Variants in GRIP1 observed in about 807,000 individuals in gnomAD.
The protein encoded by GRIP1 is glutamate receptor-interacting protein 1.
Under a neutral mutation model 129.9 loss-of-function variants are expected in GRIP1, and 45 were observed. The observed-to-expected ratio is 0.35, with a 90% CI of 0.27 to 0.44. The LOEUF is 0.44. GRIP1 is among the 20% of genes least tolerant of loss of function. The probability of loss-of-function intolerance (pLI) is 1.00; values close to 1 mark genes in which losing one functional copy is unlikely to be tolerated. For missense variants in GRIP1, 1,196 were observed against 1,396.8 expected (o/e 0.86, Z 2.29); for synonymous variants, 530 against 520.8 (o/e 1.02, Z -0.24).
At chr12:66,950,125 G>A (rs1003522947) in intron 1 of GRIP1, among the ~76,000 whole-genome samples, 3 of 151,912 alleles carry the variant, frequency 2.0e-5, no homozygotes, top group African/African-American at 7.3e-5. Context: ...TCTCTATTCA[G>A]AACTCCATCA....
At chr12:66,474,482 C>A (rs1456252563) in intron 7 of GRIP1, among the ~76,000 whole-genome samples, 2 of 151,970 alleles carry the variant, frequency 1.3e-5, no homozygotes, top group African/African-American at 2.4e-5. Flanking sequence ...AGAGAATGCC[C>A]CAAAGATACC....
At chr12:66,426,157 C>T (rs1200974177) in intron 14 of GRIP1, among the ~76,000 whole-genome samples, 1 of 152,096 alleles carries the variant, frequency 6.6e-6, no homozygotes, top group Non-Finnish European at 1.5e-5. Context: ...TGGGTATTTC[C>T]ATCCACAGGT....
At chr12:66,889,222 G>A (rs2040615494) in intron 1 of GRIP1, among the ~76,000 whole-genome samples, 1 of 152,214 alleles carries the variant, frequency 6.6e-6, no homozygotes, top group African/African-American at 2.4e-5. Flanking sequence ...CACCTTGGGA[G>A]GCCGAGGCAG....
chr12:66,953,763 T>G (rs557164017), intron 1 of GRIP1, among the ~76,000 whole-genome samples: 6 of 152,052 alleles, frequency 3.9e-5, no homozygotes, highest in Non-Finnish European at 8.8e-5. Context: ...AAAAGAAAAG[T>G]AGACAAAACT....
chr12:66,607,879 C>T (rs1179220745), intron 1 of GRIP1, among the ~76,000 whole-genome samples: 1 of 152,180 alleles, frequency 6.6e-6, no homozygotes, highest in Non-Finnish European at 1.5e-5. Context: ...TGGATCATTT[C>T]AGGACCTATC....
intron 13 of GRIP1, among the ~76,000 whole-genome samples, chr12:66,438,874 C>T (rs1328978960): frequency 2.6e-5 from 4 of 152,096 alleles, no homozygotes; most frequent in Non-Finnish European, 5.9e-5. Flanking sequence ...CATTCATAAA[C>T]AAAACCCACA....
At chr12:67,008,369 T>C (rs1363328238) in intron 1 of GRIP1, among the ~76,000 whole-genome samples, 1 of 152,202 alleles carries the variant, frequency 6.6e-6, no homozygotes, top group Non-Finnish European at 1.5e-5. Flanking sequence ...CCATATTGCA[T>C]GTAAAGGTTT....
intron 1 of GRIP1, among the ~76,000 whole-genome samples, chr12:66,925,200 C>A (rs1176131642): frequency 6.6e-6 from 1 of 152,102 alleles, no homozygotes; most frequent in Non-Finnish European, 1.5e-5. Context: ...AAATCACCCT[C>A]CCATATACAA....
intron 1 of GRIP1, among the ~76,000 whole-genome samples, chr12:67,024,719 C>T (rs1025067505): frequency 7.9e-5 from 12 of 152,166 alleles, no homozygotes; most frequent in African/African-American, 2.9e-4. Flanking sequence ...CAAAAGATCA[C>T]TAATACAAAT....
chr12:66,783,062 A>G (rs2038210694), intron 1 of GRIP1, among the ~76,000 whole-genome samples: 1 of 150,942 alleles, frequency 6.6e-6, no homozygotes, highest in Admixed American at 6.6e-5. Flanking sequence ...TTTTTAAGAC[A>G]CTCTGTCACC....
At chr12:66,720,804 T>C (rs1325589227) in intron 1 of GRIP1, among the ~76,000 whole-genome samples, 2 of 152,166 alleles carry the variant, frequency 1.3e-5, no homozygotes, top group Non-Finnish European at 2.9e-5. Flanking sequence ...AATTATCTCC[T>C]CTACTGAACT....
At chr12:66,507,776 TTTC>T (rs1413558645) in intron 7 of GRIP1, among the ~76,000 whole-genome samples, 3 of 151,932 alleles carry the variant, frequency 2.0e-5, no homozygotes, top group Non-Finnish European at 2.9e-5. Flanking sequence ...TCTTTCTTTC[TTTC>T]TTTTTTTTTA....
intron 6 of GRIP1, among the ~76,000 whole-genome samples, chr12:66,516,890 C>T (rs868541322): frequency 6.6e-6 from 1 of 152,242 alleles, no homozygotes; most frequent in Middle Eastern, 3.4e-3. Context: ...AGCCTGAATT[C>T]CTCCCGCAGT....
chr12:66,860,018 G>A (rs1166972302), intron 1 of GRIP1, among the ~76,000 whole-genome samples: 1 of 152,076 alleles, frequency 6.6e-6, no homozygotes, highest in Non-Finnish European at 1.5e-5. Flanking sequence ...CAAGATATAA[G>A]TGATCATCAC....
chr12:66,637,084 A>G (rs903958618), intron 1 of GRIP1, among the ~76,000 whole-genome samples: 1 of 152,158 alleles, frequency 6.6e-6, no homozygotes, highest in Non-Finnish European at 1.5e-5. Context: ...CATGGTGTGC[A>G]TTCCAGGGAA....
intron 1 of GRIP1, among the ~76,000 whole-genome samples, chr12:66,907,821 CACA>C (rs961247713): frequency 1.2e-4 from 18 of 152,168 alleles, no homozygotes; most frequent in African/African-American, 4.1e-4. Flanking sequence ...ACATCAATTG[CACA>C]ACAACAAGTT....
At chr12:66,887,443 T>C (rs2040584065) in intron 1 of GRIP1, among the ~76,000 whole-genome samples, 1 of 152,226 alleles carries the variant, frequency 6.6e-6, no homozygotes, top group African/African-American at 2.4e-5. Context: ...GTGTCTGCCT[T>C]AAGGCACTTA....
At chr12:66,664,784 G>A (rs1324269956) in intron 1 of GRIP1, among the ~76,000 whole-genome samples, 1 of 152,094 alleles carries the variant, frequency 6.6e-6, no homozygotes, top group Non-Finnish European at 1.5e-5. Context: ...ATAAATGGTA[G>A]CTATTGTTAT....
intron 2 of GRIP1, among the ~76,000 whole-genome samples, chr12:66,561,962 G>GT (rs2062549979): frequency 6.6e-6 from 1 of 151,936 alleles, no homozygotes; most frequent in South Asian, 2.1e-4. Context: ...AGGCATGGTG[G>GT]TGTGCTCCTG....
Sources: gnomAD v4.1 joint callset for allele counts (sites outside exome capture counted in the v4.1 genomes callset) on GRCh38, gnomAD v4.1.1 for gene constraint, MANE v1.5 for transcripts, NCBI Gene and HGNC (gene_info 2026-07-23, HGNC 2026-07-21) for gene names.